The following SLC5A9 variants were observed in gnomAD, a reference collection of about 807,000 sequenced individuals.
SLC5A9 encodes the protein solute carrier family 5 member 9.
A neutral mutation model predicts 70.9 loss-of-function variants in SLC5A9; 59 were observed. That is an observed-to-expected ratio of 0.83 (90% CI 0.68 to 1.03). SLC5A9 has a LOEUF of 1.03. SLC5A9 is among the 50% of genes least tolerant of loss of function. The pLI, the probability that SLC5A9 is intolerant of heterozygous loss-of-function variation, is 0.00. For missense variants in SLC5A9, 832 were observed against 881.1 expected (o/e 0.94, Z 0.71); for synonymous variants, 340 against 346.5 (o/e 0.98, Z 0.21).
chr1:48,242,618 T>C lies in SLC5A9; in HGVS notation c.1837+2T>C, dbSNP rs1216433640. ...GCCTGGGCCAGGAGCAGCCTGAAGG[T>C]AGGCTGCGGCAGGCCGGGGGATACT... On this transcript the variant is annotated splice_donor_variant, in intron 13 of 13. Coordinates refer to ENST00000438567, the MANE Select transcript of SLC5A9 (RefSeq NM_001011547.3). LOFTEE classifies it high-confidence loss of function. The C allele has an allele frequency of 2.5e-6, 4 of 1,606,158 alleles. No individual in the cohort carries two copies. In the African/African-American group the frequency reaches 4.0e-5, roughly 16 times the overall value.
At chr1:48,235,913 G>C in intron 10 of SLC5A9, 34 bp downstream of exon 10, 1 of 1,613,408 alleles carries the variant, frequency 6.2e-7, no homozygotes, top group Non-Finnish European at 8.5e-7. Flanking sequence ...CTTCCGAAGT[G>C]CCCTCTCCCC....
intron 2 of SLC5A9, 56 bp from the exon 3 acceptor site, chr1:48,228,794 C>A: frequency 6.3e-7 from 1 of 1,599,876 alleles, no homozygotes; most frequent in South Asian, 1.1e-5. Flanking sequence ...GTCCTCGCTC[C>A]AGATTCATTC....
rs866450523 is a variant in SLC5A9, at chr1:48,227,457, A to T, written c.235-1393A>T. Among the ~76,000 whole-genome samples the T allele has an allele frequency of 4.6e-3, 190 of 41,358 alleles. 1 individual carries two copies. Among genetic ancestry groups the T allele is most frequent in the Middle Eastern group, 0.028 (1 of 36 alleles). The allele number at this position is 41,358 out of a possible 152,430, so 27.1% of individuals were successfully genotyped here. A position where few individuals can be genotyped will look rare whatever the true frequency, so the allele number is the denominator to read the frequency against. ...GTGTGTGTGTGTGTATGTGTGAGAG[A>T]GTGTGTGTACTGTGCCTGTGTGGGC... is the stretch of plus-strand genomic sequence containing the variant. On this transcript the variant is annotated intron_variant, in intron 2 of 13. Coordinates refer to ENST00000438567, the MANE Select transcript of SLC5A9 (RefSeq NM_001011547.3).
chr1:48,242,430 T>G, intron 12 of SLC5A9, 27 bp from the exon 13 acceptor site: 1 of 1,561,326 alleles, frequency 6.4e-7, no homozygotes, highest in South Asian at 1.2e-5. Context: ...CCAAGGCAAC[T>G]GACTCCAGTG....
chr1:48,223,102 C>T (rs1644095528), intron 1 of SLC5A9, among the ~76,000 whole-genome samples: 1 of 152,106 alleles, frequency 6.6e-6, no homozygotes, highest in Non-Finnish European at 1.5e-5. Context: ...TCTGAGGTCA[C>T]ACAGAGAGTC....
intron 6 of SLC5A9, 37 bp from the exon 7 acceptor site, chr1:48,231,909 G>A: frequency 1.2e-6 from 2 of 1,612,782 alleles, no homozygotes; most frequent in Non-Finnish European, 1.7e-6. Context: ...AGGCTCAGTG[G>A]GGTTTCAGGG....
chr1:48,232,603 G>A (rs947683235), intron 8 of SLC5A9, 101 bp downstream of exon 8: 2 of 1,480,856 alleles, frequency 1.4e-6, no homozygotes, highest in East Asian at 2.3e-5. Context: ...CCAGAGCAGG[G>A]GTTGGCAAGG....
At chr1:48,246,113 A>G in intron 13 of SLC5A9, among the ~76,000 whole-genome samples, 1 of 152,152 alleles carries the variant, frequency 6.6e-6, no homozygotes, top group East Asian at 1.9e-4. Flanking sequence ...CTTTAGTGAC[A>G]TAGGCTCTCC....
intron 6 of SLC5A9, 65 bp from the exon 7 acceptor site, chr1:48,231,881 C>T (rs551776772): frequency 6.2e-7 from 1 of 1,602,170 alleles, no homozygotes; most frequent in East Asian, 2.2e-5. Context: ...GAGGCTGGGG[C>T]TGGGCTTGCT....
chr1:48,241,363 T>C (rs1644388452), intron 12 of SLC5A9, among the ~76,000 whole-genome samples: 1 of 152,192 alleles, frequency 6.6e-6, no homozygotes, highest in South Asian at 2.1e-4. Context: ...TGAGAGATAC[T>C]TACAAGCAAG....
chr1:48,232,541 G>A (rs755158341), intron 8 of SLC5A9, 39 bp downstream of exon 8: 39 of 1,610,480 alleles, frequency 2.4e-5, no homozygotes, highest in Admixed American at 3.3e-5. Context: ...TGGGATCTGA[G>A]GCTTTCAAGG....
rs528973136 is a variant in SLC5A9 at position 48,247,044 on chromosome 1, T to A, written c.1838-291T>A. Among the ~76,000 whole-genome samples the A allele has an allele frequency of 4.6e-5, 7 of 152,324 alleles. No individual in the cohort carries two copies. In the South Asian group the frequency reaches 1.4e-3, roughly 32 times the overall value. ...GGATGAATTGCATTATCCTGCCACC[T>A]TAATACACCATCCCCTCTTGAAGAA... On this transcript the variant is annotated intron_variant, in intron 13 of 13. Coordinates refer to ENST00000438567, the MANE Select transcript of SLC5A9 (RefSeq NM_001011547.3).
At position 48,244,878 on chromosome 1, in the gene SLC5A9, G is replaced by GTATA. The variant is rs756117312; in HGVS notation, c.1837+2291_1837+2294dup. Among the ~76,000 whole-genome samples the GTATA allele has an allele frequency of 5.4e-3, 159 of 29,398 alleles. 32 individuals are homozygous for GTATA. The highest frequency in any genetic ancestry group is 8.2e-3 in the East Asian group (5 of 612). The allele number at this position is 29,398 out of a possible 152,430, so 19.3% of individuals were successfully genotyped here. On this transcript the variant is annotated intron_variant, in intron 13 of 13. Coordinates refer to ENST00000438567, the MANE Select transcript of SLC5A9 (RefSeq NM_001011547.3). ...TGTGTGTGTGTATGTATGTGTATGT[G>GTATA]TATATATATATATATATATATATAT...
chr1:48,223,894 A>T (rs1357739236), intron 1 of SLC5A9, among the ~76,000 whole-genome samples: 3 of 152,172 alleles, frequency 2.0e-5, no homozygotes, highest in Non-Finnish European at 4.4e-5. Flanking sequence ...CCATTTTCAC[A>T]TCTGTAAAAT....
intron 13 of SLC5A9, 81 bp from the exon 14 acceptor site, chr1:48,247,254 C>T (rs1034546203): frequency 1.4e-5 from 19 of 1,311,740 alleles, no homozygotes; most frequent in African/African-American, 2.9e-5. Context: ...CCCTCCCCTA[C>T]TCTCCTATCA....
intron 1 of SLC5A9, among the ~76,000 whole-genome samples, chr1:48,223,464 C>G (rs771721675): frequency 6.6e-6 from 1 of 152,136 alleles, no homozygotes; most frequent in Non-Finnish European, 1.5e-5. Context: ...ATGAGAGCCT[C>G]ATGTCCCTGG....
In SLC5A9 at chr1:48,231,569, C is replaced by A; in HGVS notation, c.635C>A (p.Thr212Lys). ...GGTGGCCTCATGGCCGTGATCTACA[C>A]AGATGCTCTGCAGACGGTGATCATG... ...IAGGLMAVIYTDALQTVIMVG... is the reference protein window; with the variant it reads ...IAGGLMAVIYKDALQTVIMVG... The change falls in exon 6 of 14, where the codon ACA becomes AAA. Residue 212 changes from threonine to lysine, a missense_variant. Physicochemically the swap from Thr to Lys is moderately conservative, Grantham distance 78 (BLOSUM62 -1). Coordinates refer to ENST00000438567, the MANE Select transcript of SLC5A9 (RefSeq NM_001011547.3). 1.9e-6 allele frequency: 3 copies of A among 1,614,184 alleles called. No homozygotes were observed. The highest frequency in any genetic ancestry group is 2.5e-6 in the Non-Finnish European group (3 of 1,180,014).
chr1:48,242,376 C>T lies in SLC5A9; in HGVS notation c.1678-81C>T, dbSNP rs1232368722. On this transcript the variant is annotated intron_variant, in intron 12 of 13. Transcript: ENST00000438567. ...GTACTCTTTGCTTTTGCTCAGATGG[C>T]CTTCCATAAATGGGCCTCTGTTCTT... is the stretch of plus-strand genomic sequence containing the variant. The T allele has an allele frequency of 1.4e-5, 21 of 1,478,010 alleles. 1 individual carries two copies. Among genetic ancestry groups the T allele is most frequent in the Admixed American group, 2.2e-5 (1 of 45,064 alleles). The allele number at this position is 1,478,010 out of a possible 1,614,324, so 91.6% of individuals were successfully genotyped here.
intron 2 of SLC5A9, among the ~76,000 whole-genome samples, chr1:48,225,051 G>A (rs1344763459): frequency 1.3e-5 from 2 of 151,882 alleles, no homozygotes; most frequent in African/African-American, 4.8e-5. Context: ...GACTTGCAGT[G>A]ATGAATCTGG....
Sources: allele counts gnomAD v4.1 joint callset (sites outside exome capture counted in the v4.1 genomes callset), GRCh38; gene constraint gnomAD v4.1.1; transcripts MANE v1.5; gene names NCBI Gene and HGNC (gene_info 2026-07-23, HGNC 2026-07-21).